NAALADL2: variants seen among roughly 807,000 people sequenced by gnomAD.
NAALADL2 encodes the protein N-acetylated alpha-linked acidic dipeptidase like 2.
Under a neutral mutation model 87.2 loss-of-function variants are expected in NAALADL2, and 76 were observed. That is an observed-to-expected ratio of 0.87 (90% CI 0.72 to 1.05). NAALADL2 has a LOEUF of 1.05. Ranked by LOEUF, NAALADL2 falls within the 50% of genes least tolerant of loss-of-function variation. NAALADL2 has a pLI of 0.00. For missense variants in NAALADL2, 1,089 were observed against 945.8 expected (o/e 1.15, Z -1.99); for synonymous variants, 354 against 331.0 (o/e 1.07, Z -0.75).
intron 11 of NAALADL2, among the ~76,000 whole-genome samples, chr3:175,671,791 C>T (rs184890269): frequency 1.3e-5 from 2 of 152,004 alleles, no homozygotes; most frequent in East Asian, 3.9e-4. Flanking sequence ...ACTTTAAATT[C>T]TCATCCATAA....
chr3:175,756,321 G>C (rs935913020), intron 13 of NAALADL2, among the ~76,000 whole-genome samples: 1 of 151,952 alleles, frequency 6.6e-6, no homozygotes, highest in African/African-American at 2.4e-5. Flanking sequence ...CTAATCTCTT[G>C]GTATCTACCC....
intron 1 of NAALADL2, among the ~76,000 whole-genome samples, chr3:175,041,184 C>T (rs1754037076): frequency 1.3e-5 from 2 of 152,004 alleles, no homozygotes; most frequent in Admixed American, 1.3e-4. Context: ...ACATTATTAA[C>T]CACATTTGGA....
chr3:175,097,588 A>G (rs1721379384), intron 2 of NAALADL2, among the ~76,000 whole-genome samples: 1 of 152,142 alleles, frequency 6.6e-6, no homozygotes, highest in African/African-American at 2.4e-5. Flanking sequence ...GTTAGGCCAA[A>G]TTGGGATGCA....
intron 2 of NAALADL2, among the ~76,000 whole-genome samples, chr3:175,132,603 C>CGGGGGGCTG (rs540428102): frequency 1.0e-5 from 1 of 96,058 alleles, no homozygotes; most frequent in Non-Finnish European, 2.1e-5. Flanking sequence ...GCTGGCCGGG[C>CGGGGGGCTG]AGGGGGCTGA....
chr3:174,931,203 T>C (rs1343571222), intron 1 of NAALADL2, among the ~76,000 whole-genome samples: 3 of 152,138 alleles, frequency 2.0e-5, no homozygotes, highest in Non-Finnish European at 2.9e-5. Flanking sequence ...ATAATATCAG[T>C]TTAGGGGATA....
At chr3:174,690,493 C>G (rs975694477) in intron 2 of NAALADL2, among the ~76,000 whole-genome samples, 2 of 152,156 alleles carry the variant, frequency 1.3e-5, no homozygotes, top group African/African-American at 4.8e-5. Flanking sequence ...CTGCTTCTCT[C>G]TGCTGTCAGC....
At chr3:175,188,594 CA>C in intron 2 of NAALADL2, among the ~76,000 whole-genome samples, 1 of 152,200 alleles carries the variant, frequency 6.6e-6, no homozygotes, top group Non-Finnish European at 1.5e-5. Flanking sequence ...CAAATAGCTG[CA>C]AAAATTCACC....
At chr3:174,677,525 T>C (rs1560137689) in intron 2 of NAALADL2, among the ~76,000 whole-genome samples, 2 of 152,122 alleles carry the variant, frequency 1.3e-5, no homozygotes, top group African/African-American at 4.8e-5. Flanking sequence ...ACAATAGTTA[T>C]GTTCTATGAA....
At chr3:175,560,645 C>T (rs1716120340) in intron 9 of NAALADL2, among the ~76,000 whole-genome samples, 2 of 151,988 alleles carry the variant, frequency 1.3e-5, no homozygotes, top group East Asian at 3.9e-4. Context: ...TTCACTGTAT[C>T]CCCTGGTTTG....
intron 5 of NAALADL2, among the ~76,000 whole-genome samples, chr3:175,446,217 G>A (rs1720656769): frequency 7.3e-6 from 1 of 137,358 alleles, no homozygotes; most frequent in South Asian, 2.5e-4. Flanking sequence ...AACATCTGAG[G>A]AGTCCAGGCA....
At chr3:175,091,497 A>G (rs2108322873) in intron 1 of NAALADL2, among the ~76,000 whole-genome samples, 1 of 152,148 alleles carries the variant, frequency 6.6e-6, no homozygotes, top group East Asian at 1.9e-4. Flanking sequence ...TTTTACTTGT[A>G]AAATAACTTT....
chr3:175,727,352 T>C (rs1743077033), intron 11 of NAALADL2, among the ~76,000 whole-genome samples: 1 of 152,192 alleles, frequency 6.6e-6, no homozygotes, highest in Non-Finnish European at 1.5e-5. Flanking sequence ...TGTTTTCAAG[T>C]TTAACACTGT....
chr3:175,551,906 G>C (rs1714440884), intron 9 of NAALADL2, among the ~76,000 whole-genome samples: 3 of 132,684 alleles, frequency 2.3e-5, no homozygotes, highest in Admixed American at 8.0e-5. Flanking sequence ...CTGGGCAGCA[G>C]AGCGAGACTC....
At chr3:175,691,460 A>G (rs997849094) in intron 11 of NAALADL2, among the ~76,000 whole-genome samples, 8 of 151,836 alleles carry the variant, frequency 5.3e-5, no homozygotes, top group African/African-American at 1.9e-4. Flanking sequence ...TTATGAAACT[A>G]TTAATTTGGT....
chr3:174,980,184 C>A (rs1426264843), intron 1 of NAALADL2, among the ~76,000 whole-genome samples: 1 of 152,164 alleles, frequency 6.6e-6, no homozygotes, highest in Admixed American at 6.5e-5. Flanking sequence ...TGTTATAATT[C>A]CTATTTAATT....
At chr3:174,857,299 T>C (rs1478172972), upstream of NAALADL2, among the ~76,000 whole-genome samples, 1 of 152,166 alleles carries the variant, frequency 6.6e-6, no homozygotes, top group Non-Finnish European at 1.5e-5. Context: ...TTATTAGTAT[T>C]GCAACTGATT....
At chr3:175,396,729 G>A (rs193266611) in intron 5 of NAALADL2, among the ~76,000 whole-genome samples, 9 of 152,094 alleles carry the variant, frequency 5.9e-5, no homozygotes, top group African/African-American at 1.9e-4. Context: ...CAATCATGGG[G>A]ATGGTTATGT....
intron 9 of NAALADL2, among the ~76,000 whole-genome samples, chr3:175,536,745 C>A (rs1264460124): frequency 6.6e-6 from 1 of 152,212 alleles, no homozygotes; most frequent in Non-Finnish European, 1.5e-5. Context: ...GATCTCCTGA[C>A]CTCGTGATCT....
At chr3:175,537,658 A>G (rs928181575) in intron 9 of NAALADL2, among the ~76,000 whole-genome samples, 1 of 152,170 alleles carries the variant, frequency 6.6e-6, no homozygotes, top group African/African-American at 2.4e-5. Flanking sequence ...CCAGCTTCCC[A>G]AACTGAAAAT....
Sources: allele counts gnomAD v4.1 joint callset (sites outside exome capture counted in the v4.1 genomes callset), GRCh38; gene constraint gnomAD v4.1.1; transcripts MANE v1.5; gene names NCBI Gene and HGNC (gene_info 2026-07-23, HGNC 2026-07-21).